Variants in C1orf198 observed in about 807,000 individuals in gnomAD.
C1orf198 encodes uncharacterized protein C1orf198.
C1orf198 carries 17 observed loss-of-function variants against 31.4 expected under a neutral mutation model. The ratio of observed to expected loss-of-function variants is 0.54; its 90% confidence interval spans 0.37 to 0.81. The LOEUF (loss-of-function observed/expected upper bound fraction) is 0.81. C1orf198 is among the 40% of genes least tolerant of loss of function. The pLI is 0.00. For missense variants in C1orf198, 401 were observed against 450.3 expected (o/e 0.89, Z 0.99); for synonymous variants, 175 against 193.8 (o/e 0.90, Z 0.81).
intron 3 of C1orf198, among the ~76,000 whole-genome samples, chr1:230,842,632 G>T (rs1228739829): frequency 6.6e-6 from 1 of 151,754 alleles, no homozygotes; most frequent in African/African-American, 2.4e-5. Flanking sequence ...CTACAAATTG[G>T]GTTCAGTGTC....
intron 2 of C1orf198, among the ~76,000 whole-genome samples, chr1:230,847,030 G>A (rs1270941917): frequency 6.7e-6 from 1 of 149,828 alleles, no homozygotes; most frequent in African/African-American, 2.5e-5. Flanking sequence ...GTGAACCCGG[G>A]AGGCGAAGCT....
chr1:230,868,583 C>T, upstream of C1orf198: 1 of 1,090,230 alleles, frequency 9.2e-7, no homozygotes, highest in Non-Finnish European at 1.1e-6. Flanking sequence ...CGCCCCGCGC[C>T]ACCCGGAGCC....
chr1:230,839,809 G>A lies in C1orf198; in HGVS notation c.*43C>T. 1 of 1,574,536 alleles carries A rather than the reference G, an allele frequency of 6.4e-7. No homozygotes were observed. The highest frequency in any genetic ancestry group is 8.7e-7 in the Non-Finnish European group (1 of 1,150,734). ...TTATCCTCCTCCACCACACCACTTT[G>A]GAAAACATTTTAGGGTTCTTCATTG... is the stretch of plus-strand genomic sequence containing the variant. On this transcript the variant is annotated 3_prime_UTR_variant, in exon 4 of 4. Coordinates refer to ENST00000366663, the MANE Select transcript of C1orf198 (RefSeq NM_032800.3).
chr1:230,855,176 T>C (rs963458478), intron 2 of C1orf198, among the ~76,000 whole-genome samples: 1 of 152,174 alleles, frequency 6.6e-6, no homozygotes. Flanking sequence ...ATGATGATAA[T>C]GATGAGAAGA....
At position 230,838,261 on chromosome 1, in the gene C1orf198, G is replaced by A. The variant is rs924138769; in HGVS notation, c.*1591C>T. Reference sequence around the variant, plus strand: ...ATATCAACTATACTTAAATGGTACAGAAAGAACCAATATTTGAAAAGTTAC... The same window carrying A: ...ATATCAACTATACTTAAATGGTACAAAAAGAACCAATATTTGAAAAGTTAC... On this transcript the variant is annotated 3_prime_UTR_variant, in exon 4 of 4. Coordinates refer to ENST00000366663, the MANE Select transcript of C1orf198 (RefSeq NM_032800.3). The surrounding 1 kb of genome is among the most constrained non-coding windows in gnomAD (Gnocchi z 4.2). 2 of 152,158 alleles carry A rather than the reference G, an allele frequency of 1.3e-5. No homozygotes were observed. Among genetic ancestry groups the A allele is most frequent in the Admixed American group, 1.3e-4 (2 of 15,264 alleles). The allele number at this position is 152,158 out of a possible 1,614,324, so 9.4% of individuals were successfully genotyped here.
At chr1:230,856,118 C>T in intron 1 of C1orf198, 4 of 447,588 alleles carry the variant, frequency 8.9e-6, no homozygotes, top group Non-Finnish European at 1.2e-5. Context: ...TCAGTTTTCT[C>T]ATTTGTAAAA....
rs1412591164 is a variant in C1orf198 at position 230,839,885 on chromosome 1, C to T, written c.951G>A (p.Leu317=). 1 of 1,610,582 alleles carries T rather than the reference C, an allele frequency of 6.2e-7. No individual in the cohort carries two copies. Among genetic ancestry groups the T allele is most frequent in the Non-Finnish European group, 8.5e-7 (1 of 1,179,228 alleles). Residue 317 remains leucine, a synonymous_variant, in exon 4 of 4, where the codon TTG becomes TTA. Coordinates refer to ENST00000366663, the MANE Select transcript of C1orf198 (RefSeq NM_032800.3). ...TGTCCAGAAAATCAAATCCCGTCTT[C>T]AAGACGACATTACTTGAGCTGACCT... The part of the protein sequence containing the change: ...FAQVSSSNVV[L]KTGFDFLDNW
Position 230,838,255 on chromosome 1 carries a change from G to C in C1orf198, c.*1597C>G, listed in dbSNP as rs113822959. 3.3e-5 allele frequency: 5 copies of C among 152,132 alleles called. No homozygotes were observed. The highest frequency in any genetic ancestry group is 1.2e-4 in the African/African-American group (5 of 41,424). The allele number at this position is 152,132 out of a possible 1,614,324, so 9.4% of individuals were successfully genotyped here. A position where few individuals can be genotyped will look rare whatever the true frequency, so the allele number is the denominator to read the frequency against. On this transcript the variant is annotated 3_prime_UTR_variant, in exon 4 of 4. Coordinates refer to ENST00000366663, the MANE Select transcript of C1orf198 (RefSeq NM_032800.3). This position sits in a 1 kb window ranked among gnomAD's most constrained non-coding sequence, Gnocchi z 4.2. ...TCACATATATCAACTATACTTAAAT[G>C]GTACAGAAAGAACCAATATTTGAAA...
chr1:230,841,734 A>G (rs184283901), intron 3 of C1orf198, among the ~76,000 whole-genome samples: 1 of 152,350 alleles, frequency 6.6e-6, no homozygotes, highest in Non-Finnish European at 1.5e-5. Flanking sequence ...TCTTCAAAAA[A>G]GTAGAAATAG....
At chr1:230,845,923 C>A (rs1669578763) in intron 2 of C1orf198, among the ~76,000 whole-genome samples, 1 of 152,142 alleles carries the variant, frequency 6.6e-6, no homozygotes, top group African/African-American at 2.4e-5. Flanking sequence ...TGCTTTTTCA[C>A]TTAATCATAA....
chr1:230,866,588 A>G (rs867253582), intron 1 of C1orf198, among the ~76,000 whole-genome samples: 1 of 152,208 alleles, frequency 6.6e-6, no homozygotes, highest in South Asian at 2.1e-4. Context: ...GGGCTTTTTC[A>G]TCATGAGTAG....
intron 1 of C1orf198, among the ~76,000 whole-genome samples, chr1:230,856,491 C>T (rs538780375): frequency 1.4e-4 from 21 of 152,256 alleles, no homozygotes; most frequent in Admixed American, 1.0e-3. Flanking sequence ...CCACCCTCTA[C>T]CCGCAGTTAT....
Position 230,855,736 on chromosome 1 carries a change from G to C in C1orf198, c.334-18C>G, listed in dbSNP as rs74143504. ...GTTAGATCCTGAAATAAAAAATCGA[G>C]AATAAGTCTGAAATTCAAACCCAGA... On this transcript the variant is annotated intron_variant, in intron 1 of 3. Coordinates refer to ENST00000366663, the MANE Select transcript of C1orf198 (RefSeq NM_032800.3). 1.3e-4 allele frequency: 217 copies of C among 1,612,174 alleles called. 1 individual carries two copies. The South Asian group carries it at 1.7e-3, about 12-fold the overall frequency.
chr1:230,839,725 A>G lies in C1orf198; in HGVS notation c.*127T>C. ...ATCTGGCAATATTGACCAGTTTCCA[A>G]ATGATTAAGAAAAGAGTGTCAAGAA... On this transcript the variant is annotated 3_prime_UTR_variant, in exon 4 of 4. Coordinates refer to ENST00000366663, the MANE Select transcript of C1orf198 (RefSeq NM_032800.3). 1.2e-6 allele frequency: 1 copy of G among 824,956 alleles called. No homozygotes were observed. 51.1% of individuals were successfully genotyped at this position (824,956 alleles called of 1,614,324 possible). A position where few individuals can be genotyped will look rare whatever the true frequency, so the allele number is the denominator to read the frequency against.
chr1:230,847,502 T>C (rs1232908154), intron 2 of C1orf198, among the ~76,000 whole-genome samples: 3 of 152,116 alleles, frequency 2.0e-5, no homozygotes, highest in Non-Finnish European at 2.9e-5. Context: ...TCAACCTGGA[T>C]TGAGAGATTC....
rs766861204 is a variant in C1orf198, at chr1:230,868,257, CG to C, written c.255del (p.Asp87ThrfsTer27). The C allele has an allele frequency of 6.0e-5, 94 of 1,572,170 alleles. No individual in the cohort carries two copies. Among genetic ancestry groups the C allele is most frequent in the Admixed American group, 1.8e-5 (1 of 55,028 alleles). ...AAGCGCGTGAGCTCCTCCGAGTCCC[CG>C]GGGTCTCGGGGCGCCGGGGCGCGCG... ...VGPRAPAPRD[P>X]GDSEELTRFP... On this transcript the variant is annotated frameshift_variant, in exon 1 of 4. Coordinates refer to ENST00000366663, the MANE Select transcript of C1orf198 (RefSeq NM_032800.3). LOFTEE classifies it high-confidence loss of function.
In C1orf198 at chr1:230,840,206, T is replaced by C. The variant is rs908131741; in HGVS notation, c.928-298A>G. Among the ~76,000 whole-genome samples, 1 of 152,232 alleles carries C rather than the reference T, an allele frequency of 6.6e-6. No individual in the cohort carries two copies. Among genetic ancestry groups the C allele is most frequent in the African/African-American group, 2.4e-5 (1 of 41,456 alleles). On this transcript the variant is annotated intron_variant, in intron 3 of 3. Coordinates refer to ENST00000366663, the MANE Select transcript of C1orf198 (RefSeq NM_032800.3). This position sits in a 1 kb window ranked among gnomAD's most constrained non-coding sequence, Gnocchi z 4.0. ...TCTCTGTATTTTTCTATAAATCTTT[T>C]CTGTTTCTGAATGACAGCCATGTTT...
chr1:230,863,760 G>C (rs1670050602), intron 1 of C1orf198, among the ~76,000 whole-genome samples: 1 of 152,200 alleles, frequency 6.6e-6, no homozygotes, highest in Non-Finnish European at 1.5e-5. Flanking sequence ...TCAGCCCGTG[G>C]AACTGGAATT....
rs867193532 is a variant in C1orf198 at position 230,843,407 on chromosome 1, C to T, written c.874G>A (p.Val292Ile). ...QLEGKLPSPD[V>I]RQDDGEDTLF... Reference sequence around the variant, plus strand: ...GTGTCTTCCCCATCGTCCTGCCTGACATCAGGAGATGGCAGCTTCCCCTCG... The same window carrying T: ...GTGTCTTCCCCATCGTCCTGCCTGATATCAGGAGATGGCAGCTTCCCCTCG... The change falls in exon 3 of 4, where the codon GTC (valine) becomes ATC (isoleucine). Residue 292 changes from valine (V) to isoleucine (I), a missense_variant. Transcript: ENST00000366663. This position sits in a 1 kb window ranked among gnomAD's most constrained non-coding sequence, Gnocchi z 4.9. 13 of 1,572,376 alleles carry T rather than the reference C, an allele frequency of 8.3e-6. No homozygotes were observed. In the South Asian group the frequency reaches 1.3e-4, roughly 15 times the overall value.
Sources: allele counts gnomAD v4.1 joint callset (sites outside exome capture counted in the v4.1 genomes callset), GRCh38; gene constraint gnomAD v4.1.1; non-coding constraint Gnocchi (gnomAD v3.1); transcripts MANE v1.5; gene names NCBI Gene and HGNC (gene_info 2026-07-23, HGNC 2026-07-21).